CHODL: variants seen among roughly 807,000 people sequenced by gnomAD.
CHODL encodes the protein chondrolectin, also known as transmembrane protein MT75.
In CHODL, 29 loss-of-function variants were observed where a neutral mutation model predicts 34.5. The observed-to-expected ratio is 0.84, with a 90% CI of 0.63 to 1.15. CHODL has a LOEUF of 1.15. Ranked by LOEUF, CHODL falls within the 50% of genes most tolerant of loss-of-function variation. The pLI is 0.00. For missense variants in CHODL, 332 were observed against 332.5 expected, an observed-to-expected ratio of 1.00 and a Z score of 0.01; for synonymous variants, 125 against 116.1, an observed-to-expected ratio of 1.08 and a Z score of -0.49.
intron 2 of CHODL, among the ~76,000 whole-genome samples, chr21:18,077,281 G>T (rs750342139): frequency 6.6e-6 from 1 of 152,112 alleles, no homozygotes; most frequent in Non-Finnish European, 1.5e-5. Context: ...TCATAAGTTT[G>T]CAGGTGAATG....
At chr21:18,134,197 C>T (rs75140125) in intron 2 of CHODL, 4,379 of 421,366 alleles carry the variant, frequency 0.01, 96 homozygotes, top group African/African-American at 0.059. Context: ...TTCTTCAGCA[C>T]CTTCATGATG....
At chr21:18,107,864 T>G (rs1482354891) in intron 2 of CHODL, among the ~76,000 whole-genome samples, 1 of 152,220 alleles carries the variant, frequency 6.6e-6, no homozygotes, top group Non-Finnish European at 1.5e-5. Flanking sequence ...TAAGACTGTT[T>G]GATTCCCACA....
At chr21:18,032,164 G>T (rs2064255356) in intron 2 of CHODL, among the ~76,000 whole-genome samples, 1 of 151,966 alleles carries the variant, frequency 6.6e-6, no homozygotes, top group Non-Finnish European at 1.5e-5. Flanking sequence ...GGCAACTGTG[G>T]TTAATAACAA....
At chr21:18,167,466 C>T (rs931065807) in intron 2 of CHODL, among the ~76,000 whole-genome samples, 4 of 151,812 alleles carry the variant, frequency 2.6e-5, no homozygotes, top group East Asian at 3.9e-4. Flanking sequence ...ACCACCACCA[C>T]GCCCGGCTAA....
At chr21:18,136,731 TA>T (rs2072735948) in intron 2 of CHODL, among the ~76,000 whole-genome samples, 1 of 123,472 alleles carries the variant, frequency 8.1e-6, no homozygotes, top group African/African-American at 4.8e-5. Flanking sequence ...TATATATATA[TA>T]TATATATATA....
chr21:18,108,867 GTGTGTTTC>G (rs988816202), intron 2 of CHODL, among the ~76,000 whole-genome samples: 11 of 143,828 alleles, frequency 7.6e-5, no homozygotes, highest in Non-Finnish European at 1.7e-4. Context: ...GTGTGTGTGT[GTGTGTTTC>G]TTCTAACTTT....
At chr21:18,073,435 A>G (rs1484915699) in intron 2 of CHODL, among the ~76,000 whole-genome samples, 1 of 152,092 alleles carries the variant, frequency 6.6e-6, no homozygotes, top group Non-Finnish European at 1.5e-5. Flanking sequence ...ATCATCATCC[A>G]TCTTTTGCAT....
At chr21:17,964,855 G>A (rs1325824694) in intron 1 of CHODL, among the ~76,000 whole-genome samples, 19 of 152,102 alleles carry the variant, frequency 1.2e-4, no homozygotes, top group Admixed American at 1.2e-3. Context: ...TTTTTAATAT[G>A]TGTCACAGTG....
rs555334284 is a variant in CHODL, at chr21:18,022,074, A to G, written c.-144-5798A>G. Among the ~76,000 whole-genome samples, 6 of 152,340 alleles carry G rather than the reference A, an allele frequency of 3.9e-5. No homozygotes were observed. The East Asian group carries it at 1.2e-3, about 29-fold the overall frequency. On this transcript the variant is annotated intron_variant, in intron 1 of 6. Transcript: ENST00000400127. ...TGATACCAGAGAGCTTGCTTCTCTC[A>G]GGATCACTGTATTATTTTCCTGGGA...
At chr21:18,091,403 C>T (rs573416236) in intron 2 of CHODL, among the ~76,000 whole-genome samples, 6 of 152,262 alleles carry the variant, frequency 3.9e-5, no homozygotes, top group East Asian at 3.9e-4. Flanking sequence ...GGGCTTGCAC[C>T]GTCTTTCCCT....
intron 2 of CHODL, among the ~76,000 whole-genome samples, chr21:18,072,842 T>C (rs140089864): frequency 6.6e-6 from 1 of 152,212 alleles, no homozygotes; most frequent in East Asian, 1.9e-4. Flanking sequence ...TATAAAAAAG[T>C]TTTCTTTTTT....
At chr21:17,928,162 C>A (rs569455270) in intron 1 of CHODL, among the ~76,000 whole-genome samples, 2 of 152,310 alleles carry the variant, frequency 1.3e-5, no homozygotes, top group South Asian at 4.1e-4. Flanking sequence ...ATTTATCAAG[C>A]ACTTATTCTT....
Position 18,003,836 on chromosome 21 carries a change from A to G in CHODL, c.-144-24036A>G, listed in dbSNP as rs1369695792. 2.6e-5 allele frequency among the ~76,000 whole-genome samples: 4 copies of G among 152,244 alleles called. No individual in the cohort carries two copies. In the South Asian group the frequency reaches 6.2e-4, roughly 24 times the overall value. ...GCTTAGCGACCTGTGTTAGGGGTTCAGTATGTACAAAATCACATCACACTT... is the reference window on the plus strand; with the variant it reads ...GCTTAGCGACCTGTGTTAGGGGTTCGGTATGTACAAAATCACATCACACTT... On this transcript the variant is annotated intron_variant, in intron 1 of 6. Coordinates refer to the CHODL transcript ENST00000400127.
At chr21:18,247,918 G>T (rs144143381) in intron 1 of CHODL, among the ~76,000 whole-genome samples, 1 of 152,034 alleles carries the variant, frequency 6.6e-6, no homozygotes, top group African/African-American at 2.4e-5. Flanking sequence ...AAATATGAAG[G>T]ATTCCAAATT....
chr21:18,023,534 A>G (rs2064146861), intron 1 of CHODL, among the ~76,000 whole-genome samples: 3 of 151,882 alleles, frequency 2.0e-5, no homozygotes, highest in Admixed American at 2.0e-4. Context: ...AAATGTGTGG[A>G]GTTGTTGGCT....
Position 18,103,598 on chromosome 21 carries a change from G to A in CHODL, c.-45+75627G>A, listed in dbSNP as rs529762180. ...TGCCTGTCTCTCAGTGTATTCAGGC[G>A]ATGGATGGGCTGCTATGGGCTGGCT... On this transcript the variant is annotated intron_variant, in intron 2 of 6. Transcript: ENST00000400127. Among the ~76,000 whole-genome samples the A allele has an allele frequency of 3.5e-4, 53 of 152,242 alleles. 1 individual carries two copies. The highest frequency in any genetic ancestry group is 2.7e-3 in the South Asian group (13 of 4,822).
intron 2 of CHODL, among the ~76,000 whole-genome samples, chr21:18,081,813 A>T (rs529285220): frequency 2.6e-5 from 4 of 152,084 alleles, no homozygotes; most frequent in African/African-American, 7.2e-5. Context: ...CCTTTTTTAC[A>T]TTGAGATATG....
At chr21:18,239,051 T>C (rs73318210) in intron 2 of CHODL, among the ~76,000 whole-genome samples, 590 of 152,248 alleles carry the variant, frequency 3.9e-3, no homozygotes, top group African/African-American at 0.013. Context: ...TTTCTTACTG[T>C]AACATGCTCC....
At chr21:17,978,479 G>A (rs371769526) in intron 1 of CHODL, among the ~76,000 whole-genome samples, 4 of 151,848 alleles carry the variant, frequency 2.6e-5, no homozygotes, top group Non-Finnish European at 1.5e-5. Context: ...AGCACTTTGG[G>A]AGGCCGAGGT....
Sources: allele counts gnomAD v4.1 joint callset (sites outside exome capture counted in the v4.1 genomes callset), GRCh38; gene constraint gnomAD v4.1.1; transcripts MANE v1.5; gene names NCBI Gene and HGNC (gene_info 2026-07-23, HGNC 2026-07-21).